CD33: variants seen among roughly 807,000 people sequenced by gnomAD.
CD33 encodes CD33 molecule.
CD33 carries 25 observed loss-of-function variants against 31.4 expected under a neutral mutation model. The ratio of observed to expected loss-of-function variants is 0.80; its 90% confidence interval spans 0.58 to 1.11. The LOEUF (loss-of-function observed/expected upper bound fraction) is 1.11. Ranked by LOEUF, CD33 falls within the 50% of genes most tolerant of loss-of-function variation. The pLI is 0.00. For synonymous variants in CD33, 176 were observed against 180.6 expected, an observed-to-expected ratio of 0.97 and a Z score of 0.20; for missense variants, 407 against 448.1, an observed-to-expected ratio of 0.91 and a Z score of 0.83.
At chr19:51,214,049 A>G in the CD33 span, among the ~76,000 whole-genome samples, 1 of 149,398 alleles carries the variant, frequency 6.7e-6, no homozygotes, top group Admixed American at 6.7e-5. Flanking sequence ...TAGTAGAAAC[A>G]GGGTTTCACC....
intron 4 of CD33, among the ~76,000 whole-genome samples, chr19:51,232,772 C>G (rs762055878): frequency 1.3e-5 from 2 of 152,176 alleles, no homozygotes; most frequent in Non-Finnish European, 2.9e-5. Context: ...ATCTATCTCT[C>G]TGTTAAATTT....
At chr19:51,234,670 G>A (rs1981651193) in intron 4 of CD33, among the ~76,000 whole-genome samples, 1 of 152,166 alleles carries the variant, frequency 6.6e-6, no homozygotes, top group Non-Finnish European at 1.5e-5. Flanking sequence ...AGGTCCAGGA[G>A]AACTGTCTGG....
At chr19:51,225,019 T>C (rs1349910194), upstream of CD33, 6 of 1,460,978 alleles carry the variant, frequency 4.1e-6, no homozygotes, top group Non-Finnish European at 5.7e-6. Context: ...TGAGGTCTCC[T>C]GCTCCTCCCC....
chr19:51,211,719 C>T, the CD33 span: 1 of 806,404 alleles, frequency 1.2e-6, no homozygotes, highest in Admixed American at 2.3e-5. Context: ...GGACCCGGAC[C>T]AGAACCTGAG....
At chr19:51,216,237 T>C in the CD33 span, among the ~76,000 whole-genome samples, 4 of 150,222 alleles carry the variant, frequency 2.7e-5, no homozygotes, top group African/African-American at 9.9e-5. Flanking sequence ...TGTGTGTGTG[T>C]GTGTGTGTGT....
the CD33 span, among the ~76,000 whole-genome samples, chr19:51,213,905 G>T: frequency 6.9e-6 from 1 of 145,888 alleles, no homozygotes; most frequent in African/African-American, 2.6e-5. Flanking sequence ...TGTCGCCCAG[G>T]CTTGACTGCA....
intron 4 of CD33, among the ~76,000 whole-genome samples, chr19:51,234,278 C>CAT (rs1981626516): frequency 6.6e-6 from 1 of 152,184 alleles, no homozygotes; most frequent in Non-Finnish European, 1.5e-5. Context: ...ACTACATTGA[C>CAT]ATATCATTGT....
At position 51,235,632 on chromosome 19, in the gene CD33, G is replaced by T. The variant is rs2271652; in HGVS notation, c.880G>T (p.Val294Leu). 488 of 1,614,062 alleles carry T rather than the reference G, an allele frequency of 3.0e-4. 5 individuals carry two copies. In the East Asian group the frequency reaches 9.2e-3, roughly 31 times the overall value. ...CAGGAGGAAAGCAGCCAGGACAGCA[G>T]TGGGCAGGAATGACACCCACCCTAC... The part of the protein sequence containing the change: ...THRRKAARTA[V>L]GRNDTHPTTG... The change falls in exon 6 of 7, where the codon GTG (valine) becomes TTG (leucine). Residue 294 changes from valine (V) to leucine (L), a missense_variant. Physicochemically the swap from Val to Leu is conservative, Grantham distance 32. Transcript: ENST00000262262.
At position 51,225,433 on chromosome 19, in the gene CD33, G is replaced by A. The variant is rs1253367941; in HGVS notation, c.253G>A (p.Glu85Lys). ...CAAGCTAGATCAAGAAGTACAGGAG[G>A]AGACTCAGGGCAGATTCCGCCTCCT... Reference protein sequence around the residue: ...TNKLDQEVQEETQGRFRLLGD... With the variant: ...TNKLDQEVQEKTQGRFRLLGD... The change falls in exon 2 of 7, where the codon GAG becomes AAG. Residue 85 changes from glutamate to lysine, a missense_variant. Coordinates refer to ENST00000262262, the MANE Select transcript of CD33 (RefSeq NM_001772.4). 4 of 1,614,196 alleles carry A rather than the reference G, an allele frequency of 2.5e-6. No homozygotes were observed. Among genetic ancestry groups the A allele is most frequent in the Non-Finnish European group, 2.5e-6 (3 of 1,180,030 alleles).
chr19:51,222,092 T>C (rs556158459), upstream of CD33, among the ~76,000 whole-genome samples: 1 of 152,338 alleles, frequency 6.6e-6, no homozygotes, highest in South Asian at 2.1e-4. Context: ...GTTGTGGGTA[T>C]ATAATTATAT....
intron 4 of CD33, among the ~76,000 whole-genome samples, chr19:51,233,519 G>C (rs1472535672): frequency 1.3e-5 from 2 of 152,238 alleles, no homozygotes; most frequent in Non-Finnish European, 2.9e-5. Context: ...CTGGCCCCCA[G>C]AGGAGGGTGC....
intron 4 of CD33, among the ~76,000 whole-genome samples, chr19:51,233,833 C>T (rs114121561): frequency 0.023 from 3,491 of 152,298 alleles, 112 homozygotes; most frequent in African/African-American, 0.079. Context: ...CTGCAAAGCC[C>T]GGGTGCCTCC....
At chr19:51,236,210 C>T (rs1981795572) in intron 6 of CD33, 2 of 300,142 alleles carry the variant, frequency 6.7e-6, no homozygotes, top group African/African-American at 2.2e-5. Flanking sequence ...GGGCACACCA[C>T]ACCATGCAAG....
intron 6 of CD33, chr19:51,237,840 G>C (rs1981902535): frequency 6.6e-6 from 1 of 152,212 alleles, no homozygotes; most frequent in South Asian, 2.1e-4. Flanking sequence ...ATGTAGTATA[G>C]AAGAGAAGAT....
chr19:51,225,827 T>G lies in CD33; in HGVS notation c.443T>G (p.Leu148Arg), dbSNP rs1290430660. The G allele has an allele frequency of 1.2e-6, 2 of 1,613,678 alleles. No homozygotes were observed. The highest frequency in any genetic ancestry group is 1.7e-6 in the Non-Finnish European group (2 of 1,179,908). Residue 148 changes from leucine (L) to arginine (R), a missense_variant, in exon 3 of 7, where the codon CTC becomes CGC. Transcript: ENST00000262262. ...GACTTGACCCACAGGCCCAAAATCC[T>G]CATCCCTGGCACTCTAGAACCCGGC... ...VTDLTHRPKILIPGTLEPGHS... is the reference protein window; with the variant it reads ...VTDLTHRPKIRIPGTLEPGHS...
chr19:51,239,697 C>A lies in CD33; in HGVS notation c.*9C>A. ...AGGTCAGGACCCAGTGAGGAACCCA[C>A]AAGAGCATCAGGCTCAGCTAGAAGA... On this transcript the variant is annotated 3_prime_UTR_variant, in exon 7 of 7. Transcript: ENST00000262262. 9 of 1,602,634 alleles carry A rather than the reference C, an allele frequency of 5.6e-6. No individual in the cohort carries two copies. Among genetic ancestry groups the A allele is most frequent in the Non-Finnish European group, 7.7e-6 (9 of 1,174,872 alleles).
At chr19:51,235,094 G>A in intron 4 of CD33, 63 bp from the exon 5 acceptor site, 3 of 1,349,164 alleles carry the variant, frequency 2.2e-6, no homozygotes, top group Admixed American at 1.7e-5. Context: ...ACATGCTGGA[G>A]AGGAGGATAC....
Position 51,229,994 on chromosome 19 carries a change from A to G in CD33, c.745+3638A>G, listed in dbSNP as rs901976302. Among the ~76,000 whole-genome samples, 21 of 152,128 alleles carry G rather than the reference A, an allele frequency of 1.4e-4. No homozygotes were observed. In the East Asian group the frequency reaches 3.9e-3, roughly 28 times the overall value. ...TGAAATTTGTCTAATTGTTTGATGTAGGCATTTATTTCTCTCAAGTTGTCT... is the reference window on the plus strand; with the variant it reads ...TGAAATTTGTCTAATTGTTTGATGTGGGCATTTATTTCTCTCAAGTTGTCT... On this transcript the variant is annotated intron_variant, in intron 4 of 6. Transcript: ENST00000262262.
chr19:51,225,720 A>C, intron 2 of CD33, 83 bp from the exon 3 acceptor site: 1 of 1,541,334 alleles, frequency 6.5e-7, no homozygotes, highest in Non-Finnish European at 8.8e-7. Context: ...TTAGCGGGGG[A>C]GCTTGACCAG....
Sources: allele counts gnomAD v4.1 joint callset (sites outside exome capture counted in the v4.1 genomes callset), GRCh38; gene constraint gnomAD v4.1.1; transcripts MANE v1.5; gene names NCBI Gene and HGNC (gene_info 2026-07-23, HGNC 2026-07-21).